ERC2: variants seen among roughly 807,000 people sequenced by gnomAD.
ERC2 encodes ELKS/RAB6-interacting/CAST family member 2.
Under a neutral mutation model 114.8 loss-of-function variants are expected in ERC2, and 42 were observed. The ratio of observed to expected loss-of-function variants is 0.37; its 90% CI spans 0.29 to 0.47. The LOEUF (loss-of-function observed/expected upper bound fraction) is 0.47. ERC2 is among the 20% of genes least tolerant of loss of function. ERC2 has a pLI of 0.99. For synonymous variants in ERC2, 454 were observed against 425.5 expected (o/e 1.07, Z -0.82); for missense variants, 939 against 1,150.7 (o/e 0.82, Z 2.66).
intron 3 of ERC2, among the ~76,000 whole-genome samples, chr3:56,230,889 T>G (rs1041466587): frequency 5.3e-5 from 8 of 152,232 alleles, no homozygotes; most frequent in Non-Finnish European, 1.0e-4. Flanking sequence ...ATTATTGAAA[T>G]AGTTTTTAGG....
chr3:56,428,880 CAA>C (rs1559489900), intron 2 of ERC2, among the ~76,000 whole-genome samples: 1 of 152,164 alleles, frequency 6.6e-6, no homozygotes, highest in Admixed American at 6.5e-5. Flanking sequence ...TCTGCACACG[CAA>C]GATGGGTAAA....
At chr3:56,283,998 G>T (rs1161363525) in intron 3 of ERC2, among the ~76,000 whole-genome samples, 1 of 152,192 alleles carries the variant, frequency 6.6e-6, no homozygotes, top group African/African-American at 2.4e-5. Flanking sequence ...TGCAAAAAAA[G>T]AACTCTGCTT....
At chr3:55,711,263 A>G (rs983255572) in intron 15 of ERC2, among the ~76,000 whole-genome samples, 4 of 152,190 alleles carry the variant, frequency 2.6e-5, no homozygotes, top group African/African-American at 4.8e-5. Flanking sequence ...TAACATCTGT[A>G]AGTTTTTATT....
At chr3:56,075,029 T>A (rs2149740823) in intron 7 of ERC2, among the ~76,000 whole-genome samples, 1 of 152,282 alleles carries the variant, frequency 6.6e-6, no homozygotes, top group South Asian at 2.1e-4. Context: ...ACTCAAGCCC[T>A]GAGAGGAAAG....
rs201385434 is a variant in ERC2, at chr3:55,864,118, T to C, written c.2564+24271A>G. ...GCAGGTATATATATATATATATATATACACACACACATATATATATACATA... is the reference window on the plus strand; with the variant it reads ...GCAGGTATATATATATATATATATACACACACACACATATATATATACATA... On this transcript the variant is annotated intron_variant, in intron 14 of 17. Transcript: ENST00000288221. Among the ~76,000 whole-genome samples the C allele has an allele frequency of 5.5e-3, 480 of 86,782 alleles. 5 individuals carry two copies. Among genetic ancestry groups the C allele is most frequent in the African/African-American group, 0.016 (327 of 20,034 alleles). 56.9% of individuals were successfully genotyped at this position (86,782 alleles called of 152,430 possible). A position where few individuals can be genotyped will look rare whatever the true frequency, so the allele number is the denominator to read the frequency against.
chr3:55,861,325 T>C (rs1010023410), intron 14 of ERC2, among the ~76,000 whole-genome samples: 8 of 152,188 alleles, frequency 5.3e-5, no homozygotes, highest in African/African-American at 1.7e-4. Context: ...GCGCAGCTGG[T>C]TGCACCCCAA....
chr3:55,574,839 G>A (rs1212016600), intron 17 of ERC2, among the ~76,000 whole-genome samples: 1 of 152,112 alleles, frequency 6.6e-6, no homozygotes, highest in African/African-American at 2.4e-5. Flanking sequence ...GTGCCCTCCA[G>A]ACACAGGCCA....
intron 2 of ERC2, among the ~76,000 whole-genome samples, chr3:56,420,043 C>T (rs905367353): frequency 6.6e-6 from 1 of 152,060 alleles, no homozygotes; most frequent in Non-Finnish European, 1.5e-5. Flanking sequence ...TCCTTGGAAA[C>T]TTTTATATTA....
chr3:56,343,456 T>TA (rs879726443), intron 2 of ERC2, among the ~76,000 whole-genome samples: 3,230 of 145,730 alleles, frequency 0.022, 118 homozygotes, highest in African/African-American at 0.071. Flanking sequence ...GCTTCAAAAT[T>TA]AAAAAAAAAA....
intron 2 of ERC2, among the ~76,000 whole-genome samples, chr3:56,357,722 T>C (rs1026910221): frequency 4.0e-5 from 6 of 150,666 alleles, no homozygotes; most frequent in African/African-American, 1.5e-4. Context: ...GCAAAACGCC[T>C]GATTTCATAT....
chr3:56,296,512 C>A, intron 2 of ERC2, 77 bp from the exon 3 acceptor site: 1 of 1,411,350 alleles, frequency 7.1e-7, no homozygotes. Context: ...CCGCTTGCTG[C>A]CACCACACTA....
At chr3:56,365,476 C>A (rs542609609) in intron 2 of ERC2, among the ~76,000 whole-genome samples, 2 of 152,218 alleles carry the variant, frequency 1.3e-5, no homozygotes, top group Non-Finnish European at 1.5e-5. Flanking sequence ...GCTAACAACA[C>A]GTTTCTCAGA....
intron 3 of ERC2, among the ~76,000 whole-genome samples, chr3:56,217,326 A>G (rs1172112694): frequency 1.3e-5 from 2 of 152,228 alleles, no homozygotes; most frequent in Admixed American, 1.3e-4. Context: ...AAAAATCACA[A>G]GCATTCTTAT....
At chr3:56,112,973 A>T (rs17235389) in intron 6 of ERC2, among the ~76,000 whole-genome samples, 25,288 of 152,142 alleles carry the variant, frequency 0.17, 2,264 homozygotes, top group African/African-American at 0.21. Flanking sequence ...GTGATCCCCA[A>T]CAGGCAATAT....
Position 55,835,010 on chromosome 3 carries a change from T to C in ERC2, c.2564+53379A>G, listed in dbSNP as rs558598238. ...AACTAGAAAATCTAGAAGAAATGGA[T>C]AAATTCCTCGACACATACACCCTCC... On this transcript the variant is annotated intron_variant, in intron 14 of 17. Transcript: ENST00000288221. Among the ~76,000 whole-genome samples the C allele has an allele frequency of 2.0e-5, 3 of 151,372 alleles. No individual in the cohort carries two copies. In the South Asian group the frequency reaches 6.3e-4, roughly 32 times the overall value.
rs566997962 is a variant in ERC2, at chr3:56,156,691, T to G, written c.1150-7559A>C. ...ACTGCTTCAGTTAATGTCAAGAGCTTTCTACATCCCTAGTGCATGGAAGGG... is the reference window on the plus strand; with the variant it reads ...ACTGCTTCAGTTAATGTCAAGAGCTGTCTACATCCCTAGTGCATGGAAGGG... On this transcript the variant is annotated intron_variant, in intron 4 of 17. Transcript: ENST00000288221. 5.9e-5 allele frequency among the ~76,000 whole-genome samples: 9 copies of G among 152,296 alleles called. No homozygotes were observed. The East Asian group carries it at 1.7e-3, about 29-fold the overall frequency.
At chr3:56,242,137 C>T (rs1450589463) in intron 3 of ERC2, among the ~76,000 whole-genome samples, 2 of 152,160 alleles carry the variant, frequency 1.3e-5, no homozygotes. Flanking sequence ...GAATACTACT[C>T]AGCCATAAAA....
chr3:55,558,263 G>T (rs1275374508), intron 17 of ERC2, among the ~76,000 whole-genome samples: 1 of 152,148 alleles, frequency 6.6e-6, no homozygotes, highest in African/African-American at 2.4e-5. Context: ...CCCACCTCTA[G>T]CACTTAGTAT....
chr3:56,248,022 T>C (rs1250249391), intron 3 of ERC2, among the ~76,000 whole-genome samples: 1 of 152,234 alleles, frequency 6.6e-6, no homozygotes, highest in Non-Finnish European at 1.5e-5. Context: ...ATGGTGAAAG[T>C]AAACCTATCT....
Sources: allele counts gnomAD v4.1 joint callset (sites outside exome capture counted in the v4.1 genomes callset), GRCh38; gene constraint gnomAD v4.1.1; transcripts MANE v1.5; gene names NCBI Gene and HGNC (gene_info 2026-07-23, HGNC 2026-07-21).